Variants in GNA14 observed in about 807,000 individuals in gnomAD.
GNA14 encodes the protein guanine nucleotide-binding protein subunit alpha-14.
Under a neutral mutation model 42.0 loss-of-function variants are expected in GNA14, and 50 were observed. That is an observed-to-expected ratio of 1.19 (90% CI 0.95 to 1.51). The LOEUF is 1.51. GNA14 is among the 40% of genes most tolerant of loss of function. The pLI is 0.00. For missense variants in GNA14, 473 were observed against 446.2 expected (o/e 1.06, Z -0.54); for synonymous variants, 173 against 163.1 (o/e 1.06, Z -0.46).
intron 3 of GNA14, among the ~76,000 whole-genome samples, chr9:77,432,108 T>TAA (rs10624008): frequency 0.012 from 1,765 of 142,312 alleles, 65 homozygotes; most frequent in Admixed American, 0.083. Context: ...GAGAATCCTT[T>TAA]AAAAAAAAAA....
chr9:77,605,613 C>T (rs1823634504), intron 1 of GNA14, among the ~76,000 whole-genome samples: 1 of 152,192 alleles, frequency 6.6e-6, no homozygotes, highest in Non-Finnish European at 1.5e-5. Context: ...ATCCTGTCAT[C>T]TGTGACAACA....
chr9:77,452,226 CAT>C (rs151338175), intron 2 of GNA14, among the ~76,000 whole-genome samples: 1,817 of 152,266 alleles, frequency 0.012, 24 homozygotes, highest in Non-Finnish European at 0.02. Context: ...CACCCCTACT[CAT>C]GTGACGTGTG....
intron 1 of GNA14, among the ~76,000 whole-genome samples, chr9:77,538,286 G>A (rs1223243124): frequency 1.3e-5 from 2 of 151,982 alleles, no homozygotes; most frequent in Non-Finnish European, 2.9e-5. Flanking sequence ...GTTGTCCAGG[G>A]TGGTCTTGAA....
At chr9:77,544,337 T>A (rs1057364028) in intron 1 of GNA14, among the ~76,000 whole-genome samples, 28 of 152,290 alleles carry the variant, frequency 1.8e-4, no homozygotes, top group African/African-American at 6.5e-4. Context: ...AAAAATCTCT[T>A]CAAATAAACT....
At chr9:77,537,907 C>T (rs1413661099) in intron 1 of GNA14, among the ~76,000 whole-genome samples, 2 of 152,078 alleles carry the variant, frequency 1.3e-5, no homozygotes, top group African/African-American at 4.8e-5. Context: ...ATTCTTAGCC[C>T]ACTTTTTAAT....
chr9:77,600,044 C>G (rs886424196), intron 1 of GNA14, among the ~76,000 whole-genome samples: 1 of 152,094 alleles, frequency 6.6e-6, no homozygotes, highest in East Asian at 1.9e-4. Context: ...TACTTTAAAA[C>G]ATCATTTGTA....
At chr9:77,434,267 T>C (rs1252566767) in intron 3 of GNA14, 101 bp downstream of exon 3, 11 of 1,084,192 alleles carry the variant, frequency 1.0e-5, no homozygotes, top group Admixed American at 2.1e-5. Context: ...GCGCTGCCAC[T>C]GTGCACCGCA....
chr9:77,596,718 G>A (rs1209456523), intron 1 of GNA14, among the ~76,000 whole-genome samples: 1 of 152,122 alleles, frequency 6.6e-6, no homozygotes, highest in Admixed American at 6.5e-5. Flanking sequence ...AGTCAAGCTG[G>A]GAACTGCTTA....
intron 3 of GNA14, among the ~76,000 whole-genome samples, chr9:77,432,163 TG>T (rs774674588): frequency 6.6e-6 from 1 of 150,462 alleles, no homozygotes; most frequent in Non-Finnish European, 1.5e-5. Context: ...GTAAAATAAC[TG>T]TAACTCAGGC....
chr9:77,439,604 T>A (rs954310407), intron 2 of GNA14, among the ~76,000 whole-genome samples: 1 of 152,244 alleles, frequency 6.6e-6, no homozygotes, highest in Non-Finnish European at 1.5e-5. Flanking sequence ...GCCACCGCAC[T>A]TCGGCCTGAG....
chr9:77,589,463 T>C (rs1447033135), intron 1 of GNA14, among the ~76,000 whole-genome samples: 1 of 152,194 alleles, frequency 6.6e-6, no homozygotes, highest in Non-Finnish European at 1.5e-5. Flanking sequence ...AGAACACTCT[T>C]TGTTTAATAT....
intron 1 of GNA14, among the ~76,000 whole-genome samples, chr9:77,570,837 ATTT>A (rs1240133322): frequency 6.6e-6 from 1 of 152,186 alleles, no homozygotes; most frequent in Non-Finnish European, 1.5e-5. Context: ...TCGATGTATC[ATTT>A]TACATTCCCA....
At chr9:77,548,864 C>T (rs181329308) in intron 1 of GNA14, among the ~76,000 whole-genome samples, 185 of 152,346 alleles carry the variant, frequency 1.2e-3, no homozygotes, top group African/African-American at 4.3e-3. Flanking sequence ...AAGTGTGGAC[C>T]CAGAGATCCC....
At chr9:77,494,502 C>A (rs1836838622) in intron 2 of GNA14, among the ~76,000 whole-genome samples, 1 of 151,918 alleles carries the variant, frequency 6.6e-6, no homozygotes, top group African/African-American at 2.4e-5. Context: ...CAGAAACTCA[C>A]AAAGCATGTT....
chr9:77,525,608 C>T (rs769885), intron 2 of GNA14, among the ~76,000 whole-genome samples: 3 of 150,610 alleles, frequency 2.0e-5, no homozygotes, highest in South Asian at 2.1e-4. Context: ...GCATGATCTC[C>T]GCTCACTGCA....
intron 5 of GNA14, 145 bp from the exon 6 acceptor site, chr9:77,425,860 C>A: frequency 1.5e-6 from 1 of 650,386 alleles, no homozygotes; most frequent in South Asian, 1.9e-5. Context: ...GCATGTGGGG[C>A]CCCAGGCTAC....
At chr9:77,448,270 G>A (rs1187695042) in intron 2 of GNA14, among the ~76,000 whole-genome samples, 1 of 152,236 alleles carries the variant, frequency 6.6e-6, no homozygotes, top group African/African-American at 2.4e-5. Context: ...CCCAACTCAT[G>A]ATGGTTTGAC....
At chr9:77,578,966 G>T (rs920722534) in intron 1 of GNA14, among the ~76,000 whole-genome samples, 1 of 152,134 alleles carries the variant, frequency 6.6e-6, no homozygotes, top group African/African-American at 2.4e-5. Context: ...CCTTATCTCG[G>T]ACTATAAGGT....
At chr9:77,425,148 A>C (rs1482014553) in intron 6 of GNA14, among the ~76,000 whole-genome samples, 1 of 152,080 alleles carries the variant, frequency 6.6e-6, no homozygotes, top group Non-Finnish European at 1.5e-5. Context: ...CTGGGAAGAG[A>C]GCTGAGTGAG....
Sources: gnomAD v4.1 joint callset for allele counts (sites outside exome capture counted in the v4.1 genomes callset) on GRCh38, gnomAD v4.1.1 for gene constraint, MANE v1.5 for transcripts, NCBI Gene and HGNC (gene_info 2026-07-23, HGNC 2026-07-21) for gene names.